Variants in PCDHGA4 observed in about 807,000 individuals in gnomAD.
PCDHGA4 encodes the protein protocadherin gamma-A4.
A neutral mutation model predicts 54.6 loss-of-function variants in PCDHGA4; 38 were observed. The observed-to-expected ratio is 0.70, with a 90% CI of 0.54 to 0.91. PCDHGA4 has a LOEUF of 0.91. Ranked by LOEUF, PCDHGA4 falls within the 40% of genes least tolerant of loss-of-function variation. The probability of loss-of-function intolerance (pLI) is 0.00; values close to 1 mark genes in which losing one functional copy is unlikely to be tolerated. For missense variants in PCDHGA4, 1,298 were observed against 1,220.9 expected (o/e 1.06, Z -0.94); for synonymous variants, 511 against 512.9 (o/e 1.00, Z 0.05).
At chr5:141,422,296 A>T (rs200545713) in intron 1 of PCDHGA4, 6 of 1,550,706 alleles carry the variant, frequency 3.9e-6, no homozygotes, top group Non-Finnish European at 4.3e-6. Context: ...TATTAATTCA[A>T]TTCTGGAAAA....
intron 1 of PCDHGA4, chr5:141,475,916 G>C (rs1396506642): frequency 1.7e-6 from 1 of 595,408 alleles, no homozygotes; most frequent in Non-Finnish European, 2.9e-6. Flanking sequence ...CAATGAAGAC[G>C]CTGGAGATCG....
intron 1 of PCDHGA4, chr5:141,394,550 C>T (rs1389907024): frequency 9.3e-6 from 15 of 1,614,014 alleles, no homozygotes; most frequent in South Asian, 7.7e-5. Flanking sequence ...AGCTGGCGCC[C>T]CGCTCCGCAG....
rs1054850118 is a variant in PCDHGA4, at chr5:141,366,673, T to C, written c.2514+9052T>C. The C allele has an allele frequency of 6.2e-6, 10 of 1,614,120 alleles. No homozygotes were observed. The African/African-American group carries it at 1.3e-4, about 22-fold the overall frequency. The stretch of plus-strand genomic sequence containing the variant: ...CCAACTACGCAGACACGCTCCTTAG[T>C]GAAGAGAGCTGTGAGAAAAGCGAGC... On this transcript the variant is annotated intron_variant, in intron 1 of 3. Transcript: ENST00000571252.
rs951164053 is a variant in PCDHGA4 at position 141,366,888 on chromosome 5, T to C, written c.2514+9267T>C. On this transcript the variant is annotated intron_variant, in intron 1 of 3. Coordinates refer to ENST00000571252, the MANE Select transcript of PCDHGA4 (RefSeq NM_018917.4). ...CTGTATTGGAGATTAATTTTTTTTA[T>C]ATAATTCATGCTTTCTCCATTTGTT... is the stretch of plus-strand genomic sequence containing the variant. 3.1e-6 allele frequency: 4 copies of C among 1,273,828 alleles called. No homozygotes were observed. The Admixed American group carries it at 7.6e-5, about 24-fold the overall frequency. The allele number at this position is 1,273,828 out of a possible 1,614,324, so 78.9% of individuals were successfully genotyped here. A position where few individuals can be genotyped will look rare whatever the true frequency, so the allele number is the denominator to read the frequency against.
intron 1 of PCDHGA4, chr5:141,392,059 C>G (rs2092458843): frequency 6.6e-6 from 1 of 152,098 alleles, no homozygotes; most frequent in Non-Finnish European, 1.5e-5. Flanking sequence ...AAAATATTAT[C>G]GACATGTAAT....
intron 1 of PCDHGA4, chr5:141,361,589 G>A (rs768038039): frequency 1.2e-6 from 2 of 1,614,024 alleles, no homozygotes; most frequent in Non-Finnish European, 1.7e-6. Flanking sequence ...GGCCCCAGTG[G>A]CCAAGTTTCC....
intron 1 of PCDHGA4, chr5:141,366,897 T>C (rs1764856228): frequency 6.6e-6 from 8 of 1,211,018 alleles, no homozygotes; most frequent in Non-Finnish European, 9.0e-6. Context: ...ATATAATTCA[T>C]GCTTTCTCCA....
At chr5:141,399,862 G>T in intron 1 of PCDHGA4, 1 of 1,612,900 alleles carries the variant, frequency 6.2e-7, no homozygotes, top group South Asian at 1.1e-5. Flanking sequence ...GCGCGCTGCA[G>T]AGCCCGGCTA....
intron 1 of PCDHGA4, among the ~76,000 whole-genome samples, chr5:141,386,359 C>A (rs566341507): frequency 6.6e-6 from 1 of 152,014 alleles, no homozygotes; most frequent in African/African-American, 2.4e-5. Flanking sequence ...AATCTTGATT[C>A]CAGAGACCTT....
intron 1 of PCDHGA4, among the ~76,000 whole-genome samples, chr5:141,439,190 C>CAAA (rs200519543): frequency 1.8e-5 from 2 of 111,760 alleles, no homozygotes; most frequent in African/African-American, 6.3e-5. Context: ...GAGACTCTGA[C>CAAA]AAAAAAAAAA....
At chr5:141,393,867 T>G in intron 1 of PCDHGA4, 1 of 1,614,000 alleles carries the variant, frequency 6.2e-7, no homozygotes. Context: ...CATTACGTCT[T>G]TGTTTAGCCC....
rs192631651 is a variant in PCDHGA4, at chr5:141,432,052, C to G, written c.2515-62755C>G. On this transcript the variant is annotated intron_variant, in intron 1 of 3. Transcript: ENST00000571252. The surrounding 1 kb of genome is among the most constrained non-coding windows in gnomAD (Gnocchi z 6.0). Reference sequence around the variant, plus strand: ...CCGCCACTGACCGGGGAACCCCGCCCCTATCCACGGAAACTCATATCTCGC... The same window carrying G: ...CCGCCACTGACCGGGGAACCCCGCCGCTATCCACGGAAACTCATATCTCGC... The G allele has an allele frequency of 8.1e-6, 13 of 1,614,226 alleles. No homozygotes were observed. In the Admixed American group the frequency reaches 1.8e-4, roughly 23 times the overall value.
At chr5:141,450,829 ATT>A (rs373424450) in intron 1 of PCDHGA4, among the ~76,000 whole-genome samples, 3 of 135,116 alleles carry the variant, frequency 2.2e-5, no homozygotes, top group African/African-American at 2.7e-5. Flanking sequence ...TATTATTATT[ATT>A]TTTTTTTTTT....
chr5:141,393,910 T>C, intron 1 of PCDHGA4: 1 of 1,613,998 alleles, frequency 6.2e-7, no homozygotes, highest in Admixed American at 1.7e-5. Flanking sequence ...GGGACAGTAA[T>C]TGCCTTCTTG....
chr5:141,362,633 T>G (rs1561527667), intron 1 of PCDHGA4: 1 of 1,490,046 alleles, frequency 6.7e-7, no homozygotes, highest in Non-Finnish European at 9.0e-7. Flanking sequence ...CACTGCGTAT[T>G]TCTTTGTCTG....
At chr5:141,369,130 A>G (rs1214670751) in intron 1 of PCDHGA4, among the ~76,000 whole-genome samples, 1 of 152,246 alleles carries the variant, frequency 6.6e-6, no homozygotes, top group Non-Finnish European at 1.5e-5. Context: ...CCTGTCAGAA[A>G]CATGGAAAAT....
chr5:141,481,658 T>C (rs910422064), intron 1 of PCDHGA4, among the ~76,000 whole-genome samples: 2 of 150,554 alleles, frequency 1.3e-5, no homozygotes, highest in East Asian at 2.0e-4. Context: ...TCTCTACTAA[T>C]AATACAAAAA....
At chr5:141,422,473 G>A (rs2096650443) in intron 1 of PCDHGA4, 7 of 1,613,740 alleles carry the variant, frequency 4.3e-6, no homozygotes, top group Non-Finnish European at 5.1e-6. Context: ...CAGGGAGTTG[G>A]TCCAGAGCTA....
chr5:141,366,087 A>G, intron 1 of PCDHGA4: 1 of 1,614,230 alleles, frequency 6.2e-7, no homozygotes, highest in Non-Finnish European at 8.5e-7. Flanking sequence ...GAACCTGGCT[A>G]CCTGGTGACC....
Sources: gnomAD v4.1 joint callset for allele counts (sites outside exome capture counted in the v4.1 genomes callset) on GRCh38, gnomAD v4.1.1 for gene constraint, Gnocchi (gnomAD v3.1) non-coding constraint, MANE v1.5 for transcripts, NCBI Gene and HGNC (gene_info 2026-07-23, HGNC 2026-07-21) for gene names.